Variants in BCL2L11 observed in about 807,000 individuals in gnomAD.
BCL2L11 encodes the protein bcl-2-like protein 11.
Under a neutral mutation model 20.6 loss-of-function variants are expected in BCL2L11, and 15 were observed. The observed-to-expected ratio is 0.73, with a 90% confidence interval of 0.49 to 1.12. BCL2L11 has a LOEUF of 1.12. BCL2L11 is among the 50% of genes most tolerant of loss of function. BCL2L11 has a pLI of 0.00. For synonymous variants in BCL2L11, 108 were observed against 92.8 expected (o/e 1.16, Z -0.94); for missense variants, 292 against 260.9 (o/e 1.12, Z -0.82).
intron 3 of BCL2L11, among the ~76,000 whole-genome samples, chr2:111,155,742 C>G (rs2077755369): frequency 6.6e-6 from 1 of 152,192 alleles, no homozygotes; most frequent in South Asian, 2.1e-4. Context: ...GCACATGAAG[C>G]TGCTCTCCAG....
chr2:111,164,397 T>TG lies in BCL2L11; in HGVS notation c.*167dup. 1.7e-6 allele frequency: 1 copy of TG among 579,842 alleles called. No homozygotes were observed. The highest frequency in any genetic ancestry group is 3.1e-6 in the Non-Finnish European group (1 of 318,964). 35.9% of individuals were successfully genotyped at this position (579,842 alleles called of 1,614,324 possible). A position where few individuals can be genotyped will look rare whatever the true frequency, so the allele number is the denominator to read the frequency against. On this transcript the variant is annotated 3_prime_UTR_variant, in exon 4 of 4. Transcript: ENST00000393256. ...ACCGAGCTGGATGGGACTACCTTTC[T>TG]GTTCATCACCACACAGCAGAATTTC... is the stretch of plus-strand genomic sequence containing the variant.
rs2150143643 is a variant in BCL2L11, at chr2:111,124,065, C to T, written c.320C>T (p.Pro107Leu). Residue 107 changes from proline to leucine, a missense_variant, in exon 2 of 4, where the codon CCC (proline) becomes CTC (leucine). By Grantham distance (98) the Pro-to-Leu change is moderately conservative (BLOSUM62 -3). Coordinates refer to ENST00000393256, the MANE Select transcript of BCL2L11 (RefSeq NM_138621.5). ...TTTGACACAGACAGGAGCCCAGCAC[C>T]CATGAGTTGTGACAAATCAACACAA... is the stretch of plus-strand genomic sequence containing the variant. ...FSFDTDRSPA[P>L]MSCDKSTQTP... 6.2e-7 allele frequency: 1 copy of T among 1,614,158 alleles called. No homozygotes were observed. Among genetic ancestry groups the T allele is most frequent in the Middle Eastern group, 1.7e-4 (1 of 6,028 alleles).
rs10183015 is a variant in BCL2L11 at position 111,151,442 on chromosome 2, C to T, written c.498+1295C>T. ...GTTGTTAATATCATTTATTCTTACC[C>T]CTTCTCTTTTAGCTCTTTTTTTTCT... On this transcript the variant is annotated intron_variant, in intron 3 of 3. Transcript: ENST00000393256. Among the ~76,000 whole-genome samples, 1,512 of 152,094 alleles carry T rather than the reference C, an allele frequency of 9.9e-3. 32 individuals are homozygous for T. The highest frequency in any genetic ancestry group is 0.034 in the African/African-American group (1,413 of 41,490).
At chr2:111,143,073 T>A (rs1298131259) in intron 2 of BCL2L11, among the ~76,000 whole-genome samples, 3 of 152,350 alleles carry the variant, frequency 2.0e-5, no homozygotes, top group Non-Finnish European at 2.9e-5. Context: ...GTTGGTCTTC[T>A]TTTAGCTGTC....
Position 111,166,768 on chromosome 2 carries a change from G to A in BCL2L11, c.*2537G>A, listed in dbSNP as rs1230585664. The A allele has an allele frequency of 2.6e-5, 4 of 152,476 alleles. No homozygotes were observed. The highest frequency in any genetic ancestry group is 5.9e-5 in the Non-Finnish European group (4 of 68,016). The allele number at this position is 152,476 out of a possible 1,614,324, so 9.4% of individuals were successfully genotyped here. ...ACTGGTTAGTTGATCAAGAATTTTG[G>A]GGGTGGGGGTTGCGGAGAAATCAAG... On this transcript the variant is annotated 3_prime_UTR_variant, in exon 4 of 4. Transcript: ENST00000393256.
intron 3 of BCL2L11, among the ~76,000 whole-genome samples, chr2:111,155,035 C>T (rs1433307787): frequency 6.6e-6 from 1 of 152,200 alleles, no homozygotes; most frequent in African/African-American, 2.4e-5. Context: ...ACCCTCACAG[C>T]TCTTCCTATG....
rs368284120 is a variant in BCL2L11, at chr2:111,149,662, A to G, written c.395-382A>G. Among the ~76,000 whole-genome samples the G allele has an allele frequency of 7.7e-4, 117 of 152,324 alleles. No individual in the cohort carries two copies. In the South Asian group the frequency reaches 0.011, roughly 14 times the overall value. On this transcript the variant is annotated intron_variant, in intron 2 of 3. Coordinates refer to ENST00000393256, the MANE Select transcript of BCL2L11 (RefSeq NM_138621.5). ...GCCTTGTAATAAGATCAGAATGATT[A>G]TTTTACTGAAAAACTAAATTGTTAT...
chr2:111,140,966 T>C (rs1304726465), intron 2 of BCL2L11, among the ~76,000 whole-genome samples: 4 of 152,232 alleles, frequency 2.6e-5, no homozygotes, highest in African/African-American at 9.6e-5. Flanking sequence ...TGGCATACAC[T>C]GTACAAGGTG....
At chr2:111,149,037 T>C (rs1461512950) in intron 2 of BCL2L11, among the ~76,000 whole-genome samples, 1 of 152,240 alleles carries the variant, frequency 6.6e-6, no homozygotes, top group African/African-American at 2.4e-5. Context: ...GTGAGTACGG[T>C]GTGCCCATTT....
chr2:111,136,182 G>T (rs1370073140), intron 2 of BCL2L11, among the ~76,000 whole-genome samples: 1 of 152,168 alleles, frequency 6.6e-6, no homozygotes, highest in Non-Finnish European at 1.5e-5. Flanking sequence ...CCTTGGCGAT[G>T]GAGAACAGGC....
intron 2 of BCL2L11, among the ~76,000 whole-genome samples, chr2:111,126,830 T>C (rs2072731950): frequency 6.6e-6 from 1 of 152,190 alleles, no homozygotes. Flanking sequence ...TGTGAGGTTA[T>C]AAAGAGGTTC....
rs759112299 is a variant in BCL2L11 at position 111,150,008 on chromosome 2, A to G, written c.395-36A>G. On this transcript the variant is annotated intron_variant, in intron 2 of 3. Transcript: ENST00000393256. ...GAACTTTCCCAGTGATCTGTGGACCACAATGTGATTTTTGTTTTGTTTTGT... is the reference window on the plus strand; with the variant it reads ...GAACTTTCCCAGTGATCTGTGGACCGCAATGTGATTTTTGTTTTGTTTTGT... 10 of 1,579,320 alleles carry G rather than the reference A, an allele frequency of 6.3e-6. No individual in the cohort carries two copies. In the South Asian group the frequency reaches 1.0e-4, roughly 16 times the overall value.
intron 3 of BCL2L11, among the ~76,000 whole-genome samples, chr2:111,163,861 C>CTTTTTTTT (rs10547953): frequency 5.7e-5 from 6 of 104,718 alleles, no homozygotes; most frequent in Non-Finnish European, 1.2e-4. Context: ...TTTTTGAGTG[C>CTTTTTTTT]TTTTTTTTTT....
chr2:111,159,699 G>A (rs184701042), intron 3 of BCL2L11, among the ~76,000 whole-genome samples: 18 of 152,344 alleles, frequency 1.2e-4, no homozygotes, highest in Non-Finnish European at 2.2e-4. Flanking sequence ...GTCGTCCCAA[G>A]TGTAAATTGA....
At chr2:111,144,286 C>T (rs1267926414) in intron 2 of BCL2L11, among the ~76,000 whole-genome samples, 1 of 152,142 alleles carries the variant, frequency 6.6e-6, no homozygotes, top group Non-Finnish European at 1.5e-5. Flanking sequence ...TGTTTTCATC[C>T]AGTGGCTCAG....
rs2071904086 is a variant in BCL2L11 at position 111,124,057 on chromosome 2, C to G, written c.312C>G (p.Ser104Arg). Residue 104 changes from serine to arginine, a missense_variant, in exon 2 of 4, where the codon AGC becomes AGG. By Grantham distance (110) the Ser-to-Arg change is moderately radical. Coordinates refer to ENST00000393256, the MANE Select transcript of BCL2L11 (RefSeq NM_138621.5). ...ATTTCTCTTTTGACACAGACAGGAG[C>G]CCAGCACCCATGAGTTGTGACAAAT... ...SGYFSFDTDRSPAPMSCDKST... is the reference protein window; with the variant it reads ...SGYFSFDTDRRPAPMSCDKST... The G allele has an allele frequency of 6.2e-7, 1 of 1,614,158 alleles. No homozygotes were observed. The highest frequency in any genetic ancestry group is 8.5e-7 in the Non-Finnish European group (1 of 1,180,016).
chr2:111,145,175 T>C (rs2076344192), intron 2 of BCL2L11, among the ~76,000 whole-genome samples: 2 of 152,156 alleles, frequency 1.3e-5, no homozygotes. Flanking sequence ...ATTCCAGTAA[T>C]GATAAGATGG....
chr2:111,130,695 G>A (rs1191841129), intron 2 of BCL2L11, among the ~76,000 whole-genome samples: 1 of 152,154 alleles, frequency 6.6e-6, no homozygotes, highest in Admixed American at 6.5e-5. Flanking sequence ...AATCTTAGGG[G>A]GAAAGCTTTC....
At chr2:111,161,104 C>T (rs1319964396) in intron 3 of BCL2L11, among the ~76,000 whole-genome samples, 4 of 152,252 alleles carry the variant, frequency 2.6e-5, no homozygotes, top group Admixed American at 6.5e-5. Context: ...ACCAGAACAC[C>T]GTGGATTAGA....
Sources: allele counts gnomAD v4.1 joint callset (sites outside exome capture counted in the v4.1 genomes callset), GRCh38; gene constraint gnomAD v4.1.1; transcripts MANE v1.5; gene names NCBI Gene and HGNC (gene_info 2026-07-23, HGNC 2026-07-21).